The following ROBO2 variants were observed in gnomAD, a reference collection of about 807,000 sequenced individuals.
ROBO2 encodes roundabout homolog 2.
Under a neutral mutation model 160.8 loss-of-function variants are expected in ROBO2, and 53 were observed. The observed-to-expected ratio is 0.33, with a 90% CI of 0.26 to 0.41. ROBO2 has a LOEUF of 0.41. Among genes scored for constraint, ROBO2 ranks in the 10% least tolerant of loss-of-function variants. The pLI, the probability that ROBO2 is intolerant of heterozygous loss-of-function variation, is 1.00. For synonymous variants in ROBO2, 664 were observed against 611.7 expected (o/e 1.09, Z -1.26); for missense variants, 1,577 against 1,722.4 (o/e 0.92, Z 1.49).
chr3:77,274,229 T>C (rs2059683419), intron 2 of ROBO2, among the ~76,000 whole-genome samples: 1 of 152,138 alleles, frequency 6.6e-6, no homozygotes, highest in African/African-American at 2.4e-5. Context: ...TATAAAGTGT[T>C]GTAGGAAAAT....
chr3:76,384,608 G>T (rs1158644768), intron 2 of ROBO2, among the ~76,000 whole-genome samples: 2 of 152,134 alleles, frequency 1.3e-5, no homozygotes, highest in Non-Finnish European at 2.9e-5. Flanking sequence ...AGGTTTAACT[G>T]ACTCACAGTT....
At chr3:75,917,223 GTTCCC>G (rs1377571840) in intron 1 of ROBO2, among the ~76,000 whole-genome samples, 1 of 151,978 alleles carries the variant, frequency 6.6e-6, no homozygotes, top group African/African-American at 2.4e-5. Flanking sequence ...AGTGTGTGAT[GTTCCC>G]CTCCCTGTGT....
At chr3:76,287,217 G>A (rs182081285) in intron 2 of ROBO2, among the ~76,000 whole-genome samples, 1 of 152,194 alleles carries the variant, frequency 6.6e-6, no homozygotes, top group African/African-American at 2.4e-5. Flanking sequence ...AGGCCTTGAG[G>A]AGGCACTTGT....
intron 2 of ROBO2, among the ~76,000 whole-genome samples, chr3:76,423,062 A>T (rs190247357): frequency 1.3e-5 from 2 of 152,290 alleles, no homozygotes; most frequent in Admixed American, 6.5e-5. Context: ...GTCCCACTGA[A>T]ACAGGAGGGA....
intron 2 of ROBO2, among the ~76,000 whole-genome samples, chr3:76,884,273 A>G (rs994751597): frequency 6.6e-6 from 1 of 152,214 alleles, no homozygotes; most frequent in Non-Finnish European, 1.5e-5. Flanking sequence ...AGAAGACTAT[A>G]TAAATTGTTA....
At chr3:77,595,880 G>A (rs535498904) in intron 18 of ROBO2, among the ~76,000 whole-genome samples, 1 of 152,146 alleles carries the variant, frequency 6.6e-6, no homozygotes, top group South Asian at 2.1e-4. Flanking sequence ...CAAAAGAAAA[G>A]TGCAATGATT....
intron 1 of ROBO2, among the ~76,000 whole-genome samples, chr3:75,914,473 TAA>T (rs1418826693): frequency 1.3e-5 from 2 of 152,216 alleles, no homozygotes; most frequent in African/African-American, 4.8e-5. Context: ...TCAAATATTC[TAA>T]GTTTTTAAGT....
At chr3:76,814,587 G>C (rs900312412) in intron 2 of ROBO2, among the ~76,000 whole-genome samples, 2 of 139,846 alleles carry the variant, frequency 1.4e-5, no homozygotes, top group Non-Finnish European at 3.1e-5. Flanking sequence ...ATACATAAAA[G>C]GATCGGTTTT....
chr3:77,460,320 AT>A (rs1224243002), intron 2 of ROBO2, among the ~76,000 whole-genome samples: 1 of 152,152 alleles, frequency 6.6e-6, no homozygotes, highest in Non-Finnish European at 1.5e-5. Flanking sequence ...AAAGACTTGT[AT>A]GGCGAAAACC....
chr3:76,022,619 CTT>C lies in ROBO2; in HGVS notation c.109+85022_109+85023del, dbSNP rs146333517. Among the ~76,000 whole-genome samples, 12 of 151,756 alleles carry C rather than the reference CTT, an allele frequency of 7.9e-5. No homozygotes were observed. In the East Asian group the frequency reaches 1.6e-3, roughly 20 times the overall value. Reference sequence around the variant, plus strand: ...TGAACAGCAATATTTTGAAAGGACTCTTTTTTCTGAGCAGTAGGTCTCAAGAG... The same window carrying C: ...TGAACAGCAATATTTTGAAAGGACTCTTTTCTGAGCAGTAGGTCTCAAGAG... On this transcript the variant is annotated intron_variant, in intron 2 of 26. Transcript: ENST00000487694.
intron 2 of ROBO2, among the ~76,000 whole-genome samples, chr3:76,202,927 C>G (rs1487105783): frequency 6.6e-6 from 1 of 151,954 alleles, no homozygotes; most frequent in East Asian, 1.9e-4. Context: ...ACACTGTGTT[C>G]AGGTGTCTTG....
chr3:76,725,441 A>G (rs192115823), intron 2 of ROBO2, among the ~76,000 whole-genome samples: 94 of 152,244 alleles, frequency 6.2e-4, no homozygotes, highest in African/African-American at 2.2e-3. Flanking sequence ...CCTTTTGTAA[A>G]TACTGGTGGC....
At chr3:76,486,486 G>T (rs771203906) in intron 2 of ROBO2, among the ~76,000 whole-genome samples, 2 of 152,148 alleles carry the variant, frequency 1.3e-5, no homozygotes, top group African/African-American at 2.4e-5. Context: ...TACGTAAGGG[G>T]AGTTGGGTTT....
At chr3:77,523,990 G>A (rs183540304) in intron 6 of ROBO2, among the ~76,000 whole-genome samples, 7 of 151,278 alleles carry the variant, frequency 4.6e-5, no homozygotes, top group East Asian at 2.0e-4. Flanking sequence ...TTAGTCCTTC[G>A]CGTGGTAAGA....
At chr3:76,353,667 G>A (rs2075003184) in intron 2 of ROBO2, among the ~76,000 whole-genome samples, 1 of 151,898 alleles carries the variant, frequency 6.6e-6, no homozygotes, top group South Asian at 2.1e-4. Flanking sequence ...GGAAATACAA[G>A]GCAAAGACCA....
chr3:77,481,270 G>A (rs1474225342), intron 4 of ROBO2, 51 bp downstream of exon 4: 15 of 1,425,244 alleles, frequency 1.1e-5, no homozygotes, highest in Admixed American at 5.0e-5. Context: ...ATTTTTCTTT[G>A]CTTTTAAGTA....
chr3:76,771,020 T>C (rs116107742), intron 2 of ROBO2, among the ~76,000 whole-genome samples: 3,141 of 151,470 alleles, frequency 0.021, 47 homozygotes, highest in Non-Finnish European at 0.032. Flanking sequence ...TGAGATGTTT[T>C]CTACCTTTGC....
At chr3:75,916,406 T>C (rs2106783436) in intron 1 of ROBO2, among the ~76,000 whole-genome samples, 1 of 152,250 alleles carries the variant, frequency 6.6e-6, no homozygotes, top group South Asian at 2.1e-4. Flanking sequence ...TATCAAATGA[T>C]CAATGTATTA....
intron 2 of ROBO2, among the ~76,000 whole-genome samples, chr3:76,117,255 C>T (rs191495085): frequency 3.3e-5 from 5 of 152,234 alleles, no homozygotes; most frequent in African/African-American, 1.2e-4. Flanking sequence ...CTTCATTTGT[C>T]ATGATAATAT....
Sources: allele counts gnomAD v4.1 joint callset (sites outside exome capture counted in the v4.1 genomes callset), GRCh38; gene constraint gnomAD v4.1.1; transcripts MANE v1.5; gene names NCBI Gene and HGNC (gene_info 2026-07-23, HGNC 2026-07-21).